Variants in PDE7A observed in about 807,000 individuals in gnomAD.
PDE7A encodes high affinity 3',5'-cyclic-AMP phosphodiesterase 7A.
A neutral mutation model predicts 64.3 loss-of-function variants in PDE7A; 39 were observed. The observed-to-expected ratio is 0.61, with a 90% confidence interval of 0.47 to 0.79. The LOEUF is 0.79. PDE7A is among the 30% of genes least tolerant of loss of function. PDE7A has a pLI of 0.00. For synonymous variants in PDE7A, 203 were observed against 206.8 expected, an observed-to-expected ratio of 0.98 and a Z score of 0.16; for missense variants, 470 against 582.8, an observed-to-expected ratio of 0.81 and a Z score of 1.99.
intron 1 of PDE7A, among the ~76,000 whole-genome samples, chr8:65,792,767 T>C (rs898452297): frequency 2.6e-5 from 4 of 152,222 alleles, no homozygotes; most frequent in African/African-American, 4.8e-5. Flanking sequence ...GGTTTATTTC[T>C]TTTACTAAAA....
At chr8:65,788,216 T>G (rs974802158) in intron 1 of PDE7A, among the ~76,000 whole-genome samples, 1 of 152,034 alleles carries the variant, frequency 6.6e-6, no homozygotes, top group East Asian at 1.9e-4. Context: ...TATAGAAGAA[T>G]AGAAAAAAAT....
At chr8:65,743,755 C>T (rs1220839133) in intron 5 of PDE7A, among the ~76,000 whole-genome samples, 2 of 151,996 alleles carry the variant, frequency 1.3e-5, no homozygotes, top group Non-Finnish European at 2.9e-5. Context: ...TTTCAAAGTA[C>T]AGCAGTGATT....
chr8:65,779,792 C>A lies in PDE7A; in HGVS notation c.211G>T (p.Val71Leu). The A allele has an allele frequency of 2.5e-6, 4 of 1,591,684 alleles. No individual in the cohort carries two copies. Among genetic ancestry groups the A allele is most frequent in the South Asian group, 1.1e-5 (1 of 89,802 alleles). Residue 71 changes from valine to leucine, a missense_variant, in exon 3 of 13, where the codon GTA becomes TTA. Coordinates refer to ENST00000401827, the MANE Select transcript of PDE7A (RefSeq NM_001242318.3). ...LYIRMLGDVR[V>L]RSRAGFESER... Reference sequence around the variant, plus strand: ...GATTCAAATCCTGCTCGGCTCCTTACACGTACATCTCCTGGACAGAATCAA... The same window carrying A: ...GATTCAAATCCTGCTCGGCTCCTTAAACGTACATCTCCTGGACAGAATCAA...
At chr8:65,730,288 C>T (rs1249187736) in intron 7 of PDE7A, among the ~76,000 whole-genome samples, 1 of 141,366 alleles carries the variant, frequency 7.1e-6, no homozygotes, top group African/African-American at 2.6e-5. Context: ...TTAAGTGATT[C>T]TTCTGCCTCA....
At chr8:65,814,969 T>C (rs576832145) in intron 1 of PDE7A, among the ~76,000 whole-genome samples, 3 of 152,052 alleles carry the variant, frequency 2.0e-5, no homozygotes, top group African/African-American at 7.2e-5. Flanking sequence ...TAATCCCAGC[T>C]ACTCGGGAGG....
At chr8:65,746,896 C>A (rs145423827) in intron 4 of PDE7A, among the ~76,000 whole-genome samples, 1 of 152,058 alleles carries the variant, frequency 6.6e-6, no homozygotes, top group Non-Finnish European at 1.5e-5. Flanking sequence ...AACTTAAAAA[C>A]TTATCTACAC....
chr8:65,824,112 A>C (rs1482862978), intron 1 of PDE7A, among the ~76,000 whole-genome samples: 1 of 152,204 alleles, frequency 6.6e-6, no homozygotes, highest in Non-Finnish European at 1.5e-5. Flanking sequence ...GCACCTAGCA[A>C]GTCTACTGGC....
At chr8:65,735,033 A>C in intron 6 of PDE7A, 139 bp from the exon 7 acceptor site, 6 of 628,062 alleles carry the variant, frequency 9.6e-6, no homozygotes, top group Non-Finnish European at 1.7e-5. Context: ...GGCAGATGAT[A>C]ATCACCTCAC....
intron 3 of PDE7A, among the ~76,000 whole-genome samples, chr8:65,763,591 A>T (rs943761861): frequency 2.0e-5 from 3 of 152,018 alleles, no homozygotes; most frequent in Non-Finnish European, 2.9e-5. Context: ...GATTACTCTT[A>T]TTGTTATGGG....
At position 65,716,799 on chromosome 8, in the gene PDE7A, G is replaced by A. The variant is rs1806159962; in HGVS notation, c.*2491C>T. Among the ~76,000 whole-genome samples, 2 of 145,496 alleles carry A rather than the reference G, an allele frequency of 1.4e-5. No individual in the cohort carries two copies. Among genetic ancestry groups the A allele is most frequent in the African/African-American group, 4.9e-5 (2 of 41,038 alleles). On this transcript the variant is annotated 3_prime_UTR_variant, in exon 13 of 13. Coordinates refer to ENST00000401827, the MANE Select transcript of PDE7A (RefSeq NM_001242318.3). ...TGGGCCTGAATTTTTAAGGATCTGA[G>A]TTATCAGACTTTCTGTACACATTAA...
Position 65,724,283 on chromosome 8 carries a change from T to G in PDE7A, c.1134A>C (p.Glu378Asp), listed in dbSNP as rs759977235. Reference protein sequence around the residue: ...RTWELSKQWSEKVTEEFFHQG... With the variant: ...RTWELSKQWSDKVTEEFFHQG... ...GATGGAAGAATTCCTCCGTTACTTT[T>G]TCACTCCACTGCTTGCTTAATTCCC... Residue 378 changes from glutamate to aspartate, a missense_variant, in exon 11 of 13, where the codon GAA becomes GAC. Physicochemically the swap from Glu to Asp is conservative, Grantham distance 45 (BLOSUM62 2). Coordinates refer to ENST00000401827, the MANE Select transcript of PDE7A (RefSeq NM_001242318.3). The G allele has an allele frequency of 6.2e-7, 1 of 1,612,310 alleles. No homozygotes were observed. The highest frequency in any genetic ancestry group is 2.2e-5 in the East Asian group (1 of 44,804).
chr8:65,737,568 G>A (rs1807199828), intron 6 of PDE7A, among the ~76,000 whole-genome samples: 1 of 152,058 alleles, frequency 6.6e-6, no homozygotes, highest in African/African-American at 2.4e-5. Flanking sequence ...ACAGTGGCGC[G>A]ATCTCGGCTC....
chr8:65,775,904 G>A (rs954195796), intron 3 of PDE7A, among the ~76,000 whole-genome samples: 10 of 152,086 alleles, frequency 6.6e-5, no homozygotes, highest in African/African-American at 1.2e-4. Flanking sequence ...GCTAGATTAC[G>A]GGCGTGAGCC....
chr8:65,814,195 T>C (rs909806751), intron 1 of PDE7A, among the ~76,000 whole-genome samples: 7 of 152,124 alleles, frequency 4.6e-5, no homozygotes, highest in Non-Finnish European at 1.0e-4. Flanking sequence ...TAGAACAATA[T>C]GTAGTATGAT....
chr8:65,785,803 C>A (rs1809538123), intron 1 of PDE7A, among the ~76,000 whole-genome samples: 1 of 150,548 alleles, frequency 6.6e-6, no homozygotes, highest in African/African-American at 2.5e-5. Context: ...TCTAACAGTT[C>A]TCTTTAGGAG....
At chr8:65,818,864 C>T (rs1810475224) in intron 1 of PDE7A, among the ~76,000 whole-genome samples, 2 of 152,160 alleles carry the variant, frequency 1.3e-5, no homozygotes, top group Admixed American at 6.5e-5. Context: ...CACAACATTA[C>T]CCACCACTCC....
intron 1 of PDE7A, among the ~76,000 whole-genome samples, chr8:65,820,554 T>C (rs1396776207): frequency 6.6e-6 from 1 of 152,236 alleles, no homozygotes; most frequent in Non-Finnish European, 1.5e-5. Context: ...TCAGTAATGT[T>C]GTTTAAATTA....
chr8:65,809,685 C>T (rs1265600850), intron 1 of PDE7A, among the ~76,000 whole-genome samples: 1 of 152,142 alleles, frequency 6.6e-6, no homozygotes, highest in Non-Finnish European at 1.5e-5. Flanking sequence ...ACAAAGTGGG[C>T]AAAGGATATG....
intron 3 of PDE7A, among the ~76,000 whole-genome samples, chr8:65,754,842 G>A (rs1808146621): frequency 6.7e-6 from 1 of 148,988 alleles, no homozygotes; most frequent in African/African-American, 2.4e-5. Context: ...GCATGCACCT[G>A]TAGTCCCATC....
Sources: allele counts gnomAD v4.1 joint callset (sites outside exome capture counted in the v4.1 genomes callset), GRCh38; gene constraint gnomAD v4.1.1; transcripts MANE v1.5; gene names NCBI Gene and HGNC (gene_info 2026-07-23, HGNC 2026-07-21).